Variants in TMEM98 observed in about 807,000 individuals in gnomAD.
The protein encoded by TMEM98 is transmembrane protein 98.
TMEM98 carries 18 observed loss-of-function variants against 25.0 expected under a neutral mutation model. The observed-to-expected ratio is 0.72, with a 90% CI of 0.50 to 1.07. The LOEUF is 1.07. Among genes scored for constraint, TMEM98 ranks in the 50% least tolerant of loss-of-function variants. The pLI is 0.00. For synonymous variants in TMEM98, 103 were observed against 112.4 expected (o/e 0.92, Z 0.53); for missense variants, 241 against 289.0 (o/e 0.83, Z 1.20).
chr17:32,928,658 C>A (rs1231645917), intron 1 of TMEM98, among the ~76,000 whole-genome samples: 1 of 152,042 alleles, frequency 6.6e-6, no homozygotes, highest in African/African-American at 2.4e-5. Context: ...AGAAACGCCA[C>A]GCAGACTGCA....
At chr17:32,940,109 G>C (rs2091520666) in intron 7 of TMEM98, among the ~76,000 whole-genome samples, 1 of 152,222 alleles carries the variant, frequency 6.6e-6, no homozygotes, top group African/African-American at 2.4e-5. Context: ...ACAGTTGCCA[G>C]ATCGGCAGTG....
chr17:32,934,851 G>A (rs1393946870), intron 5 of TMEM98, among the ~76,000 whole-genome samples: 1 of 152,204 alleles, frequency 6.6e-6, no homozygotes, highest in Non-Finnish European at 1.5e-5. Flanking sequence ...GAAGGCAGAG[G>A]ATTTTTTCTT....
intron 4 of TMEM98, 65 bp from the exon 5 acceptor site, chr17:32,934,226 G>A: frequency 6.3e-7 from 1 of 1,589,168 alleles, no homozygotes; most frequent in Non-Finnish European, 8.6e-7. Context: ...GAGAAGCAAG[G>A]GTGGGAGCTG....
rs1439298543 is a variant in TMEM98 at position 32,943,683 on chromosome 17, A to C, written c.*2690A>C. ...TCAAGTTCTTAACATTCTGGTCCTT[A>C]GCATTCTCATCTGTATGGTCAAGGC... is the stretch of plus-strand genomic sequence containing the variant. On this transcript the variant is annotated 3_prime_UTR_variant, in exon 8 of 8. Transcript: ENST00000579849. The C allele has an allele frequency of 6.6e-6, 1 of 152,196 alleles. No individual in the cohort carries two copies. Among genetic ancestry groups the C allele is most frequent in the Non-Finnish European group, 1.5e-5 (1 of 68,046 alleles). 9.4% of individuals were successfully genotyped at this position (152,196 alleles called of 1,614,324 possible).
rs1466623745 is a variant in TMEM98 at position 32,943,006 on chromosome 17, A to G, written c.*2013A>G. On this transcript the variant is annotated 3_prime_UTR_variant, in exon 8 of 8. Coordinates refer to ENST00000579849, the MANE Select transcript of TMEM98 (RefSeq NM_015544.3). ...GTTCTGAATTGGTATCTCAAATACCATCCACCTGGTGTGGGTCTGCAGGGT... is the reference window on the plus strand; with the variant it reads ...GTTCTGAATTGGTATCTCAAATACCGTCCACCTGGTGTGGGTCTGCAGGGT... The G allele has an allele frequency of 1.3e-5, 2 of 152,194 alleles. No individual in the cohort carries two copies. Among genetic ancestry groups the G allele is most frequent in the Admixed American group, 1.3e-4 (2 of 15,284 alleles). 9.4% of individuals were successfully genotyped at this position (152,194 alleles called of 1,614,324 possible). A position where few individuals can be genotyped will look rare whatever the true frequency, so the allele number is the denominator to read the frequency against.
chr17:32,929,407 G>A (rs1255568780), intron 1 of TMEM98, among the ~76,000 whole-genome samples: 1 of 152,008 alleles, frequency 6.6e-6, no homozygotes, highest in African/African-American at 2.4e-5. Flanking sequence ...CCTGGGGACC[G>A]GGGGAGGGGA....
At chr17:32,928,814 A>G (rs973710914) in intron 1 of TMEM98, among the ~76,000 whole-genome samples, 1 of 144,832 alleles carries the variant, frequency 6.9e-6, no homozygotes, top group Admixed American at 6.7e-5. Flanking sequence ...CGCACTCAGA[A>G]GCACACAAGA....
At chr17:32,933,415 T>C in intron 4 of TMEM98, 110 bp downstream of exon 4, 6 of 1,455,718 alleles carry the variant, frequency 4.1e-6, no homozygotes, top group Non-Finnish European at 5.7e-6. Context: ...CTCTGTTACT[T>C]GCTGCTCTTT....
At chr17:32,933,388 G>T in intron 4 of TMEM98, 83 bp downstream of exon 4, 1 of 1,576,812 alleles carries the variant, frequency 6.3e-7, no homozygotes, top group Non-Finnish European at 8.7e-7. Flanking sequence ...CACTTAGCTG[G>T]CATTCAAGAA....
intron 6 of TMEM98, among the ~76,000 whole-genome samples, chr17:32,937,654 G>A (rs531899370): frequency 2.9e-4 from 44 of 152,096 alleles, no homozygotes; most frequent in Admixed American, 2.0e-3. Context: ...GCGGTGGTGC[G>A]ATCTTGGCTC....
At position 32,941,212 on chromosome 17, in the gene TMEM98, A is replaced by T. The variant is rs2091529398; in HGVS notation, c.*219A>T. ...CAGTCTAATACTACAGTTAGGGGAG[A>T]TGCCATTCACTCTCTGCAAGAGGAG... is the stretch of plus-strand genomic sequence containing the variant. On this transcript the variant is annotated 3_prime_UTR_variant, in exon 8 of 8. Transcript: ENST00000579849. 1 of 471,638 alleles carries T rather than the reference A, an allele frequency of 2.1e-6. No homozygotes were observed. Among genetic ancestry groups the T allele is most frequent in the African/African-American group, 1.9e-5 (1 of 51,320 alleles). 29.2% of individuals were successfully genotyped at this position (471,638 alleles called of 1,614,324 possible).
intron 6 of TMEM98, among the ~76,000 whole-genome samples, chr17:32,937,099 G>T (rs1293359431): frequency 6.6e-6 from 1 of 152,240 alleles, no homozygotes; most frequent in African/African-American, 2.4e-5. Flanking sequence ...TACTAAGTTT[G>T]TGCTGCCACC....
chr17:32,934,473 TC>T (rs71362867), intron 5 of TMEM98, 149 bp downstream of exon 5: 44 of 769,546 alleles, frequency 5.7e-5, no homozygotes, highest in East Asian at 3.8e-4. Context: ...GTGGTTTACT[TC>T]CCCCCCTGCC....
intron 7 of TMEM98, 39 bp downstream of exon 7, chr17:32,939,575 A>G: frequency 1.2e-6 from 2 of 1,611,656 alleles, no homozygotes; most frequent in Non-Finnish European, 1.7e-6. Flanking sequence ...TTTTTCATGC[A>G]GAGGTCCACA....
In TMEM98 at chr17:32,931,506, T is replaced by C; in HGVS notation, c.-23T>C. On this transcript the variant is annotated 5_prime_UTR_variant, in exon 3 of 8. Coordinates refer to ENST00000579849, the MANE Select transcript of TMEM98 (RefSeq NM_015544.3). Reference sequence around the variant, plus strand: ...CCCATGAGGAGGATGTGACCGGGACTGAGTCAGGAGCCCTCTGGAAGCATG... The same window carrying C: ...CCCATGAGGAGGATGTGACCGGGACCGAGTCAGGAGCCCTCTGGAAGCATG... 1 of 1,602,460 alleles carries C rather than the reference T, an allele frequency of 6.2e-7. No individual in the cohort carries two copies. Among genetic ancestry groups the C allele is most frequent in the Non-Finnish European group, 8.5e-7 (1 of 1,174,904 alleles).
intron 1 of TMEM98, among the ~76,000 whole-genome samples, chr17:32,929,859 G>A (rs975678659): frequency 1.3e-5 from 2 of 152,162 alleles, no homozygotes; most frequent in Non-Finnish European, 2.9e-5. Flanking sequence ...TGCAAGCACA[G>A]TTACTCTCTT....
chr17:32,929,032 C>A (rs2091450250), intron 1 of TMEM98, among the ~76,000 whole-genome samples: 1 of 150,558 alleles, frequency 6.6e-6, no homozygotes, highest in Non-Finnish European at 1.5e-5. Flanking sequence ...CACACAAGCA[C>A]ACTCGGAGAA....
intron 1 of TMEM98, among the ~76,000 whole-genome samples, chr17:32,928,736 G>A (rs1238831572): frequency 1.3e-5 from 2 of 150,258 alleles, no homozygotes; most frequent in Non-Finnish European, 3.0e-5. Context: ...GCACACTTAA[G>A]ATAAACACTC....
chr17:32,931,300 C>T (rs2091467635), intron 1 of TMEM98, 27 bp from the exon 2 acceptor site: 1 of 454,000 alleles, frequency 2.2e-6, no homozygotes, highest in African/African-American at 2.0e-5. Flanking sequence ...TGGGGCATGG[C>T]ATAAATTTTA....
Sources: gnomAD v4.1 joint callset for allele counts (sites outside exome capture counted in the v4.1 genomes callset) on GRCh38, gnomAD v4.1.1 for gene constraint, MANE v1.5 for transcripts, NCBI Gene and HGNC (gene_info 2026-07-23, HGNC 2026-07-21) for gene names.